GRID2: variants seen among roughly 807,000 people sequenced by gnomAD.
GRID2 encodes the protein glutamate ionotropic receptor delta type subunit 2, also known as glutamate receptor ionotropic, delta-2.
A neutral mutation model predicts 114.8 loss-of-function variants in GRID2; 33 were observed. That is an observed-to-expected ratio of 0.29 (90% confidence interval 0.22 to 0.38). The LOEUF is 0.38. GRID2 is among the 10% of genes least tolerant of loss of function. GRID2 has a pLI of 1.00. For missense variants in GRID2, 1,184 were observed against 1,257.7 expected (o/e 0.94, Z 0.89); for synonymous variants, 505 against 449.9 (o/e 1.12, Z -1.55).
rs543935777 is a variant in GRID2 at position 93,458,878 on chromosome 4, G to A, written c.1858+2904G>A. On this transcript the variant is annotated intron_variant, in intron 11 of 15. Coordinates refer to ENST00000282020, the MANE Select transcript of GRID2 (RefSeq NM_001510.4). ...GAAGGACCAAGAATGCGAATGTAAA[G>A]AAGAGTAAGGGTAGAAATTGATAGA... is the stretch of plus-strand genomic sequence containing the variant. Among the ~76,000 whole-genome samples the A allele has an allele frequency of 1.3e-3, 198 of 152,168 alleles. 1 individual carries two copies. Among genetic ancestry groups the A allele is most frequent in the Non-Finnish European group, 2.1e-3 (143 of 67,990 alleles).
chr4:92,874,222 C>G (rs759023640), intron 2 of GRID2, among the ~76,000 whole-genome samples: 1 of 152,122 alleles, frequency 6.6e-6, no homozygotes, highest in East Asian at 1.9e-4. Context: ...TGACTGATTT[C>G]GTCTTGTTTT....
intron 1 of GRID2, among the ~76,000 whole-genome samples, chr4:92,331,120 C>T (rs1726862121): frequency 6.6e-6 from 1 of 152,148 alleles, no homozygotes; most frequent in Non-Finnish European, 1.5e-5. Context: ...AAACACAGAT[C>T]ATGCAGTTTG....
At chr4:93,314,496 C>A (rs748845176) in intron 8 of GRID2, among the ~76,000 whole-genome samples, 1 of 152,012 alleles carries the variant, frequency 6.6e-6, no homozygotes, top group Non-Finnish European at 1.5e-5. Context: ...GGAACATTCT[C>A]TTTACAATTT....
chr4:92,847,578 G>C (rs1204496038), intron 2 of GRID2, among the ~76,000 whole-genome samples: 5 of 151,934 alleles, frequency 3.3e-5, no homozygotes, highest in Non-Finnish European at 1.5e-5. Flanking sequence ...ATAACATAAA[G>C]AGATGTCTTC....
Position 92,344,086 on chromosome 4 carries a change from A to T in GRID2, c.88+39342A>T, listed in dbSNP as rs1727645512. ...TATAAGAAAATCTGCATATAAGTGGATCTGTGCAGTTCAAACCTGTGTTAC... is the reference window on the plus strand; with the variant it reads ...TATAAGAAAATCTGCATATAAGTGGTTCTGTGCAGTTCAAACCTGTGTTAC... On this transcript the variant is annotated intron_variant, in intron 1 of 15. Transcript: ENST00000282020. Among the ~76,000 whole-genome samples, 4 of 152,146 alleles carry T rather than the reference A, an allele frequency of 2.6e-5. 1 individual carries two copies. The South Asian group carries it at 8.3e-4, about 32-fold the overall frequency.
In GRID2 at chr4:92,411,651, G is replaced by GTATATATATATATA. The variant is rs1365702947; in HGVS notation, c.88+106908_88+106909insATATATATATATAT. Among the ~76,000 whole-genome samples, 104 of 96,258 alleles carry GTATATATATATATA rather than the reference G, an allele frequency of 1.1e-3. 1 individual carries two copies. The highest frequency in any genetic ancestry group is 5.8e-3 in the South Asian group (18 of 3,096). 63.1% of individuals were successfully genotyped at this position (96,258 alleles called of 152,430 possible). A position where few individuals can be genotyped will look rare whatever the true frequency, so the allele number is the denominator to read the frequency against. On this transcript the variant is annotated intron_variant, in intron 1 of 15. Transcript: ENST00000282020. ...TGTGTGTGTGTGTGTGTGTGTGTGT[G>GTATATATATATATA]TGTGTATATATATATATATATATAT...
chr4:92,314,294 A>T (rs1027101338), intron 1 of GRID2, among the ~76,000 whole-genome samples: 1 of 152,156 alleles, frequency 6.6e-6, no homozygotes, highest in Admixed American at 6.5e-5. Flanking sequence ...TACAAATGTC[A>T]TAAATATTTA....
At chr4:92,637,431 T>G (rs1394686692) in intron 2 of GRID2, among the ~76,000 whole-genome samples, 2 of 152,078 alleles carry the variant, frequency 1.3e-5, no homozygotes, top group African/African-American at 2.4e-5. Flanking sequence ...ATGCTTGGTC[T>G]TCTTCTAAGT....
chr4:93,171,168 C>T (rs1304135540), intron 4 of GRID2, among the ~76,000 whole-genome samples: 1 of 152,170 alleles, frequency 6.6e-6, no homozygotes, highest in Admixed American at 6.5e-5. Flanking sequence ...TACTTTCAAC[C>T]CATTACCTTT....
chr4:92,764,972 A>G (rs1738189390), intron 2 of GRID2, among the ~76,000 whole-genome samples: 1 of 152,242 alleles, frequency 6.6e-6, no homozygotes, highest in African/African-American at 2.4e-5. Context: ...TCATGTATGT[A>G]TAATGACCAC....
chr4:93,474,719 G>T (rs1385030275), intron 11 of GRID2, among the ~76,000 whole-genome samples: 1 of 151,884 alleles, frequency 6.6e-6, no homozygotes, highest in Non-Finnish European at 1.5e-5. Context: ...CTCCCTGCCT[G>T]GTTTTCTCCC....
chr4:92,835,817 C>T (rs1177613360), intron 2 of GRID2, among the ~76,000 whole-genome samples: 1 of 152,114 alleles, frequency 6.6e-6, no homozygotes, highest in East Asian at 1.9e-4. Flanking sequence ...CTCCCCTCCA[C>T]ACTTCGTATT....
intron 10 of GRID2, among the ~76,000 whole-genome samples, chr4:93,434,002 G>T (rs1362010630): frequency 6.6e-6 from 1 of 152,132 alleles, no homozygotes; most frequent in Non-Finnish European, 1.5e-5. Context: ...AAAGGCATTA[G>T]TTATGGATAC....
intron 14 of GRID2, among the ~76,000 whole-genome samples, chr4:93,627,340 A>T (rs551256056): frequency 3.7e-4 from 56 of 152,186 alleles, no homozygotes; most frequent in Non-Finnish European, 6.8e-4. Flanking sequence ...AAATTTTAGG[A>T]TAACAAAAAA....
chr4:92,607,674 G>A (rs893242759), intron 2 of GRID2, among the ~76,000 whole-genome samples: 3 of 151,842 alleles, frequency 2.0e-5, no homozygotes, highest in African/African-American at 7.2e-5. Flanking sequence ...CCAAACACCA[G>A]GCAGTAGAGC....
intron 2 of GRID2, among the ~76,000 whole-genome samples, chr4:93,036,601 G>T (rs1388317228): frequency 1.3e-5 from 2 of 152,112 alleles, no homozygotes; most frequent in African/African-American, 4.8e-5. Flanking sequence ...AGATAAGGAA[G>T]TTAGCCAATA....
intron 9 of GRID2, among the ~76,000 whole-genome samples, chr4:93,398,724 T>G (rs1765592216): frequency 6.6e-6 from 1 of 151,502 alleles, no homozygotes; most frequent in Non-Finnish European, 1.5e-5. Flanking sequence ...GAATATGGTT[T>G]TGTGACTGGA....
chr4:93,401,424 G>T (rs1765873596), intron 9 of GRID2, among the ~76,000 whole-genome samples: 1 of 152,148 alleles, frequency 6.6e-6, no homozygotes, highest in African/African-American at 2.4e-5. Flanking sequence ...CACCATGTTT[G>T]TCTTTATTAG....
At chr4:93,191,970 T>A (rs927277698) in intron 4 of GRID2, among the ~76,000 whole-genome samples, 1 of 152,348 alleles carries the variant, frequency 6.6e-6, no homozygotes, top group Non-Finnish European at 1.5e-5. Flanking sequence ...TTGTTCTTTT[T>A]ACACCTTCAC....
Sources: allele counts gnomAD v4.1 joint callset (sites outside exome capture counted in the v4.1 genomes callset), GRCh38; gene constraint gnomAD v4.1.1; transcripts MANE v1.5; gene names NCBI Gene and HGNC (gene_info 2026-07-23, HGNC 2026-07-21).